BNC2: variants seen among roughly 807,000 people sequenced by gnomAD.
BNC2 encodes the protein basonuclin zinc finger protein 2.
Under a neutral mutation model 76.3 loss-of-function variants are expected in BNC2, and 20 were observed. That is an observed-to-expected ratio of 0.26 (90% CI 0.18 to 0.38). The LOEUF (loss-of-function observed/expected upper bound fraction) is 0.38, where lower values mean the gene tolerates loss of function less well. Ranked by LOEUF, BNC2 falls within the 10% of genes least tolerant of loss-of-function variation. BNC2 has a pLI of 1.00. For missense variants in BNC2, 1,382 were observed against 1,399.8 expected, an observed-to-expected ratio of 0.99 and a Z score of 0.20; for synonymous variants, 582 against 514.8, an observed-to-expected ratio of 1.13 and a Z score of -1.77.
chr9:16,591,916 G>A (rs568666878), intron 3 of BNC2, among the ~76,000 whole-genome samples: 1 of 152,044 alleles, frequency 6.6e-6, no homozygotes, highest in Non-Finnish European at 1.5e-5. Context: ...TGATTATTTT[G>A]TTGTACTTAA....
intron 2 of BNC2, among the ~76,000 whole-genome samples, chr9:16,730,380 G>C (rs953397864): frequency 6.6e-6 from 1 of 152,152 alleles, no homozygotes; most frequent in African/African-American, 2.4e-5. Flanking sequence ...GCCCAAGCAA[G>C]GTGGCATTAC....
intron 1 of BNC2, among the ~76,000 whole-genome samples, chr9:16,865,909 A>T (rs1819532944): frequency 6.6e-6 from 1 of 152,166 alleles, no homozygotes; most frequent in Non-Finnish European, 1.5e-5. Flanking sequence ...AGCCAAATTA[A>T]ATTATAGCTG....
At chr9:16,435,412 C>T (rs200395805) in intron 6 of BNC2, 143 bp downstream of exon 6, 1 of 992,592 alleles carries the variant, frequency 1.0e-6, no homozygotes, top group South Asian at 1.4e-5. Flanking sequence ...GCATGGCAGC[C>T]TAGTTATCAC....
chr9:16,478,253 C>G (rs1034724717), intron 5 of BNC2, among the ~76,000 whole-genome samples: 14 of 152,184 alleles, frequency 9.2e-5, no homozygotes, highest in African/African-American at 3.4e-4. Context: ...AGGCTTTTCT[C>G]CAGGCCAAAC....
chr9:16,849,695 G>A (rs566287920), intron 1 of BNC2, among the ~76,000 whole-genome samples: 1 of 152,162 alleles, frequency 6.6e-6, no homozygotes, highest in South Asian at 2.1e-4. Context: ...TGGAGAAGAG[G>A]TTGTATACAA....
intron 3 of BNC2, among the ~76,000 whole-genome samples, chr9:16,639,163 G>A (rs1371013138): frequency 2.0e-5 from 3 of 152,120 alleles, no homozygotes; most frequent in African/African-American, 7.2e-5. Context: ...TTTAAAAACA[G>A]AAGTTAATAA....
rs557382383 is a variant in BNC2, at chr9:16,523,524, G to A, written c.669+29006C>T. 5.3e-5 allele frequency among the ~76,000 whole-genome samples: 8 copies of A among 150,772 alleles called. 1 individual carries two copies. In the East Asian group the frequency reaches 1.2e-3, roughly 22 times the overall value. On this transcript the variant is annotated intron_variant, in intron 5 of 6. Transcript: ENST00000380672. ...AAAACAATTAATGTCAGGTCCTAACGCTGCCTTGAAAAACAACTGTGAAGG... is the reference window on the plus strand; with the variant it reads ...AAAACAATTAATGTCAGGTCCTAACACTGCCTTGAAAAACAACTGTGAAGG...
At chr9:16,858,853 A>G (rs1372979241) in intron 1 of BNC2, among the ~76,000 whole-genome samples, 1 of 152,052 alleles carries the variant, frequency 6.6e-6, no homozygotes, top group Non-Finnish European at 1.5e-5. Flanking sequence ...CTCAAAAAAA[A>G]AAGAAAAAAA....
chr9:16,452,662 G>A (rs1587044088), intron 5 of BNC2, among the ~76,000 whole-genome samples: 2 of 152,172 alleles, frequency 1.3e-5, no homozygotes, highest in South Asian at 4.2e-4. Context: ...CACCCGCCTC[G>A]GCCTCCCAAA....
intron 1 of BNC2, among the ~76,000 whole-genome samples, chr9:16,773,209 T>A (rs990259894): frequency 1.3e-5 from 2 of 152,208 alleles, no homozygotes; most frequent in African/African-American, 4.8e-5. Flanking sequence ...TACACACACA[T>A]GCACTATGGT....
At chr9:16,675,480 G>A (rs1563892882) in intron 3 of BNC2, among the ~76,000 whole-genome samples, 1 of 152,038 alleles carries the variant, frequency 6.6e-6, no homozygotes, top group Admixed American at 6.6e-5. Flanking sequence ...CACTGGTCTT[G>A]AACTCCTGGG....
chr9:16,822,633 C>G (rs961343133), intron 1 of BNC2, among the ~76,000 whole-genome samples: 2 of 152,162 alleles, frequency 1.3e-5, no homozygotes, highest in Non-Finnish European at 2.9e-5. Flanking sequence ...ATTTTAAAAA[C>G]ACCAAAGTTG....
intron 4 of BNC2, 95 bp downstream of exon 4, chr9:16,582,888 A>AACAG (rs1554680049): frequency 4.3e-6 from 3 of 699,578 alleles, no homozygotes; most frequent in Admixed American, 5.5e-5. Context: ...GACTCCTCTA[A>AACAG]ACAGACACAC....
chr9:16,549,177 G>A (rs1179673136), intron 5 of BNC2, among the ~76,000 whole-genome samples: 1 of 152,060 alleles, frequency 6.6e-6, no homozygotes, highest in Non-Finnish European at 1.5e-5. Context: ...ACATTTAAAG[G>A]TATCTCAGAA....
intron 1 of BNC2, among the ~76,000 whole-genome samples, chr9:16,786,145 A>T (rs1826287113): frequency 6.6e-6 from 1 of 152,166 alleles, no homozygotes; most frequent in Non-Finnish European, 1.5e-5. Context: ...TAAGAATCTC[A>T]TTTGACAGAG....
At chr9:16,490,594 G>A (rs975527717) in intron 5 of BNC2, among the ~76,000 whole-genome samples, 1 of 152,128 alleles carries the variant, frequency 6.6e-6, no homozygotes, top group Non-Finnish European at 1.5e-5. Flanking sequence ...GTATGTGTGT[G>A]TTTAAGGACA....
At chr9:16,551,833 G>A (rs140277366) in intron 5 of BNC2, among the ~76,000 whole-genome samples, 10 of 152,282 alleles carry the variant, frequency 6.6e-5, no homozygotes, top group African/African-American at 2.4e-4. Flanking sequence ...GGAGATGGGG[G>A]TGCATGAAGG....
At chr9:16,740,842 T>C (rs999148042) in intron 1 of BNC2, among the ~76,000 whole-genome samples, 8 of 151,518 alleles carry the variant, frequency 5.3e-5, no homozygotes, top group Non-Finnish European at 7.4e-5. Flanking sequence ...AGGGTGCCCC[T>C]GGAGGGAGAA....
At chr9:16,655,629 G>C (rs1466753206) in intron 3 of BNC2, among the ~76,000 whole-genome samples, 2 of 152,140 alleles carry the variant, frequency 1.3e-5, no homozygotes, top group East Asian at 3.8e-4. Context: ...TTAAAAAATC[G>C]AGTCTCTTTT....
Sources: gnomAD v4.1 joint callset for allele counts (sites outside exome capture counted in the v4.1 genomes callset) on GRCh38, gnomAD v4.1.1 for gene constraint, MANE v1.5 for transcripts, NCBI Gene and HGNC (gene_info 2026-07-23, HGNC 2026-07-21) for gene names.